The following RALYL variants were observed in gnomAD, a reference collection of about 807,000 sequenced individuals.
RALYL encodes the protein RNA-binding Raly-like protein.
Under a neutral mutation model 35.1 loss-of-function variants are expected in RALYL, and 29 were observed. The observed-to-expected ratio is 0.83, with a 90% CI of 0.61 to 1.13. The LOEUF (loss-of-function observed/expected upper bound fraction) is 1.13. Among genes scored for constraint, RALYL ranks in the 50% most tolerant of loss-of-function variants. RALYL has a pLI of 0.00. For missense variants in RALYL, 359 were observed against 360.4 expected, an observed-to-expected ratio of 1.00 and a Z score of 0.03; for synonymous variants, 120 against 127.6, an observed-to-expected ratio of 0.94 and a Z score of 0.40.
chr8:84,799,471 A>G (rs1320036467), intron 3 of RALYL, among the ~76,000 whole-genome samples: 1 of 152,254 alleles, frequency 6.6e-6, no homozygotes, highest in Admixed American at 6.5e-5. Context: ...ATAAAAGTTG[A>G]TGATCACTTG....
At chr8:84,298,254 C>A (rs1840136701) in intron 1 of RALYL, among the ~76,000 whole-genome samples, 1 of 152,034 alleles carries the variant, frequency 6.6e-6, no homozygotes, top group Non-Finnish European at 1.5e-5. Context: ...TTACACAAGG[C>A]TAGCCAGTTA....
In RALYL at chr8:84,746,825, T is replaced by C. The variant is rs546051533; in HGVS notation, c.257-27754T>C. ...CAATTTACTTAATAACCAAATATTA[T>C]GCTACTATTTAAGATGCTTACTGTC... On this transcript the variant is annotated intron_variant, in intron 2 of 8. Coordinates refer to ENST00000521268, the MANE Select transcript of RALYL (RefSeq NM_173848.7). 1.9e-4 allele frequency among the ~76,000 whole-genome samples: 28 copies of C among 146,016 alleles called. No homozygotes were observed. In the South Asian group the frequency reaches 3.8e-3, roughly 20 times the overall value.
chr8:84,713,823 AATCAACATAAAT>A (rs1431057827), intron 2 of RALYL, among the ~76,000 whole-genome samples: 1,555 of 151,778 alleles, frequency 0.01, 34 homozygotes, highest in African/African-American at 0.035. Context: ...TCAAGATTGG[AATCAACATAAAT>A]GTCCATCCAC....
At chr8:84,346,986 T>A (rs1297465215) in intron 1 of RALYL, among the ~76,000 whole-genome samples, 4 of 151,968 alleles carry the variant, frequency 2.6e-5, no homozygotes, top group Non-Finnish European at 5.9e-5. Context: ...CATCATAAGG[T>A]CAGGAGTTCA....
At chr8:84,298,239 A>G (rs146282824) in intron 1 of RALYL, among the ~76,000 whole-genome samples, 6 of 152,028 alleles carry the variant, frequency 3.9e-5, no homozygotes, top group African/African-American at 7.2e-5. Context: ...TACAATTTCA[A>G]TCTCTTACAC....
intron 2 of RALYL, among the ~76,000 whole-genome samples, chr8:84,545,659 A>G (rs711060): frequency 0.51 from 76,779 of 151,816 alleles, 19,512 homozygotes; most frequent in East Asian, 0.66. Flanking sequence ...GTTTTAATAC[A>G]TTCTTTTAAA....
At chr8:84,718,682 T>C (rs1230574110) in intron 2 of RALYL, among the ~76,000 whole-genome samples, 1 of 151,820 alleles carries the variant, frequency 6.6e-6, no homozygotes, top group African/African-American at 2.4e-5. Context: ...GGAGAATCAC[T>C]TGAGCTCAAG....
intron 2 of RALYL, among the ~76,000 whole-genome samples, chr8:84,530,552 C>A (rs2059212224): frequency 6.6e-6 from 1 of 151,746 alleles, no homozygotes; most frequent in Non-Finnish European, 1.5e-5. Context: ...CAATATATTA[C>A]AAATATAGTC....
chr8:84,383,126 T>C lies in RALYL; in HGVS notation c.-23-146173T>C, dbSNP rs117257356. 7.5e-3 allele frequency among the ~76,000 whole-genome samples: 1,138 copies of C among 151,940 alleles called. 4 individuals carry two copies. Among genetic ancestry groups the C allele is most frequent in the Non-Finnish European group, 0.011 (777 of 67,810 alleles). Reference sequence around the variant, plus strand: ...ACTAAAACGATCCACTCACATCACTTATTCATGCCTGATGTTGTCAAAACA... The same window carrying C: ...ACTAAAACGATCCACTCACATCACTCATTCATGCCTGATGTTGTCAAAACA... On this transcript the variant is annotated intron_variant, in intron 1 of 8. Coordinates refer to ENST00000521268, the MANE Select transcript of RALYL (RefSeq NM_173848.7).
intron 1 of RALYL, among the ~76,000 whole-genome samples, chr8:84,281,985 T>C (rs1477354135): frequency 6.6e-6 from 1 of 152,116 alleles, no homozygotes; most frequent in Non-Finnish European, 1.5e-5. Context: ...GATTTAGCCA[T>C]TAATGTGCCC....
chr8:84,893,432 T>C (rs1250169587), intron 8 of RALYL, among the ~76,000 whole-genome samples: 1 of 152,204 alleles, frequency 6.6e-6, no homozygotes. Flanking sequence ...TAAAATAACA[T>C]CATCCAAAAT....
chr8:84,524,626 A>T (rs535284531), intron 1 of RALYL, among the ~76,000 whole-genome samples: 1 of 152,202 alleles, frequency 6.6e-6, no homozygotes, highest in Non-Finnish European at 1.5e-5. Flanking sequence ...AAAATATTTT[A>T]TCTAAAGCAC....
At chr8:84,891,675 GAGGA>G (rs1843873588) in intron 8 of RALYL, among the ~76,000 whole-genome samples, 1 of 152,116 alleles carries the variant, frequency 6.6e-6, no homozygotes, top group African/African-American at 2.4e-5. Flanking sequence ...AATAATAAAT[GAGGA>G]AGGGTTTAAC....
intron 2 of RALYL, among the ~76,000 whole-genome samples, chr8:84,532,689 C>T (rs2059351002): frequency 6.6e-6 from 1 of 151,892 alleles, no homozygotes; most frequent in South Asian, 2.1e-4. Context: ...TCAAATAATG[C>T]ATATTTGTAC....
At chr8:84,191,366 T>G (rs1331723228) in intron 1 of RALYL, among the ~76,000 whole-genome samples, 3 of 152,190 alleles carry the variant, frequency 2.0e-5, no homozygotes, top group Admixed American at 6.6e-5. Context: ...AAATACACTA[T>G]AAAGCTTTAA....
chr8:84,317,389 T>C (rs1843953407), intron 1 of RALYL, among the ~76,000 whole-genome samples: 1 of 152,160 alleles, frequency 6.6e-6, no homozygotes, highest in Admixed American at 6.5e-5. Flanking sequence ...TGCTGCCCTG[T>C]TATCCTGAGC....
chr8:84,487,769 T>A (rs905578949), intron 1 of RALYL, among the ~76,000 whole-genome samples: 51 of 152,076 alleles, frequency 3.4e-4, no homozygotes, highest in African/African-American at 1.2e-3. Flanking sequence ...CCCTTCTTAT[T>A]GTGTAGAAAG....
intron 8 of RALYL, among the ~76,000 whole-genome samples, chr8:84,889,876 C>A (rs1843527163): frequency 6.6e-6 from 1 of 152,224 alleles, no homozygotes; most frequent in Non-Finnish European, 1.5e-5. Flanking sequence ...CTACTTCCAA[C>A]TCACACCCCC....
At chr8:84,797,794 T>C (rs1822296133) in intron 3 of RALYL, among the ~76,000 whole-genome samples, 2 of 152,214 alleles carry the variant, frequency 1.3e-5, no homozygotes, top group African/African-American at 4.8e-5. Flanking sequence ...TTCCTACTCC[T>C]TGCTGGCTTG....
Sources: allele counts gnomAD v4.1 joint callset (sites outside exome capture counted in the v4.1 genomes callset), GRCh38; gene constraint gnomAD v4.1.1; transcripts MANE v1.5; gene names NCBI Gene and HGNC (gene_info 2026-07-23, HGNC 2026-07-21).